The following LAMA4 variants were observed in gnomAD, a reference collection of about 807,000 sequenced individuals.
LAMA4 encodes the protein laminin subunit alpha 4.
Under a neutral mutation model 207.1 loss-of-function variants are expected in LAMA4, and 127 were observed. The observed-to-expected ratio is 0.61, with a 90% confidence interval of 0.53 to 0.71. The LOEUF (loss-of-function observed/expected upper bound fraction) is 0.71. Ranked by LOEUF, LAMA4 falls within the 30% of genes least tolerant of loss-of-function variation. LAMA4 has a pLI of 0.00. For missense variants in LAMA4, 2,093 were observed against 2,246.5 expected (o/e 0.93, Z 1.38); for synonymous variants, 761 against 816.0 (o/e 0.93, Z 1.15).
intron 2 of LAMA4, among the ~76,000 whole-genome samples, chr6:112,232,412 G>A (rs1489613201): frequency 2.0e-5 from 3 of 152,210 alleles, no homozygotes; most frequent in Admixed American, 6.5e-5. Context: ...TGTTATTTAA[G>A]GGTATTTTGT....
At chr6:112,195,465 C>T (rs932264439) in intron 5 of LAMA4, among the ~76,000 whole-genome samples, 7 of 152,100 alleles carry the variant, frequency 4.6e-5, no homozygotes, top group African/African-American at 1.7e-4. Context: ...ACTAAATCCC[C>T]GCATCACAGT....
Position 112,207,131 on chromosome 6 carries a change from G to T in LAMA4, c.312C>A (p.Asn104Lys). 6.2e-7 allele frequency: 1 copy of T among 1,613,992 alleles called. No homozygotes were observed. Among genetic ancestry groups the T allele is most frequent in the Non-Finnish European group, 8.5e-7 (1 of 1,179,948 alleles). The change falls in exon 4 of 39, where the codon AAC becomes AAA. Residue 104 changes from asparagine to lysine, a missense_variant. Physicochemically the swap from Asn to Lys is moderately conservative, Grantham distance 94. Around this residue, in one of 3 missense-constraint regions of LAMA4, gnomAD observed 1,704 missense variants for 1,788.4 expected, o/e 0.95. Transcript: ENST00000230538. ...ACTTTTCACAGTGCTCTCCTGTTGT[G>T]TTCCGCTGGCAGTGCTATGAGACAA... ...GSGYCVHCQR[N>K]TTGEHCEKCL...
intron 3 of LAMA4, among the ~76,000 whole-genome samples, chr6:112,212,177 A>G (rs1441734523): frequency 2.6e-5 from 4 of 152,008 alleles, no homozygotes; most frequent in African/African-American, 4.8e-5. Flanking sequence ...TTGGGAGAGA[A>G]AGGATGAACA....
intron 2 of LAMA4, among the ~76,000 whole-genome samples, chr6:112,221,107 T>C (rs781915218): frequency 6.6e-6 from 1 of 152,126 alleles, no homozygotes; most frequent in African/African-American, 2.4e-5. Context: ...CAAAACTTGA[T>C]GGGATTTAGG....
Position 112,141,401 on chromosome 6 carries a change from C to T in LAMA4, c.2770G>A (p.Val924Ile), listed in dbSNP as rs781908229. 33 of 1,613,932 alleles carry T rather than the reference C, an allele frequency of 2.0e-5. No individual in the cohort carries two copies. The highest frequency in any genetic ancestry group is 6.7e-5 in the East Asian group (3 of 44,896). The change falls in exon 21 of 39, where the codon GTC becomes ATC. Residue 924 changes from valine (V) to isoleucine (I), a missense_variant. Val to Ile is a conservative substitution (Grantham distance 29). Transcript: ENST00000230538. ...DVEIPLDSKPVSSWPAYFSIV... is the reference protein window; with the variant it reads ...DVEIPLDSKPISSWPAYFSIV... Reference sequence around the variant, plus strand: ...CTGAAGTAAGCAGGCCAGGAACTGACGGGCTTGGAGTCCAGGGGAATCTCC... The same window carrying T: ...CTGAAGTAAGCAGGCCAGGAACTGATGGGCTTGGAGTCCAGGGGAATCTCC...
chr6:112,178,662 G>T, intron 9 of LAMA4: 1 of 194,688 alleles, frequency 5.1e-6, no homozygotes, highest in Non-Finnish European at 1.1e-5. Context: ...GTATCAGTTA[G>T]GACATACAAT....
intron 2 of LAMA4, among the ~76,000 whole-genome samples, chr6:112,225,714 A>G (rs1785173881): frequency 6.6e-6 from 1 of 152,202 alleles, no homozygotes; most frequent in Non-Finnish European, 1.5e-5. Flanking sequence ...AATGTAGTAA[A>G]CAATGTTTAC....
intron 2 of LAMA4, chr6:112,251,344 A>T (rs1787437425): frequency 6.6e-6 from 1 of 152,230 alleles, no homozygotes; most frequent in Non-Finnish European, 1.5e-5. Context: ...GTACTCAGGG[A>T]TGGAGAGTCC....
At chr6:112,181,769 C>T (rs1782372247) in intron 9 of LAMA4, among the ~76,000 whole-genome samples, 1 of 152,248 alleles carries the variant, frequency 6.6e-6, no homozygotes, top group East Asian at 1.9e-4. Context: ...GAAAACAGGG[C>T]CTTATTATAT....
intron 2 of LAMA4, among the ~76,000 whole-genome samples, chr6:112,241,278 A>G (rs1275636102): frequency 1.3e-5 from 2 of 148,800 alleles, no homozygotes; most frequent in Non-Finnish European, 3.0e-5. Flanking sequence ...AACGACTGTT[A>G]CTCCTCCTAT....
Position 112,140,843 on chromosome 6 carries a change from C to T in LAMA4, c.2893G>A (p.Glu965Lys). Residue 965 changes from glutamate to lysine, a missense_variant, in exon 22 of 39, where the codon GAA (glutamate) becomes AAA (lysine). Glu to Lys is a moderately conservative substitution (Grantham distance 56, BLOSUM62 1). Around this residue, in one of 3 missense-constraint regions of LAMA4, gnomAD observed 1,704 missense variants for 1,788.4 expected, o/e 0.95. Coordinates refer to ENST00000230538, the MANE Select transcript of LAMA4 (RefSeq NM_001105206.3). ...TAEEKFIKKGEFSGDDSLLDL... is the reference protein window; with the variant it reads ...TAEEKFIKKGKFSGDDSLLDL... ...AGCAGAGAGTCATCTCCCGAAAATT[C>T]CCCCTTTTTAATGAACTTTTCCTCT... is the stretch of plus-strand genomic sequence containing the variant. The T allele has an allele frequency of 6.2e-7, 1 of 1,614,014 alleles. No individual in the cohort carries two copies. The highest frequency in any genetic ancestry group is 8.5e-7 in the Non-Finnish European group (1 of 1,179,914).
chr6:112,154,371 A>AG (rs1562669051), intron 16 of LAMA4, among the ~76,000 whole-genome samples: 1 of 151,832 alleles, frequency 6.6e-6, no homozygotes, highest in African/African-American at 2.4e-5. Flanking sequence ...AAAAAAAAAA[A>AG]AAAAGAAAAG....
chr6:112,112,788 A>G (rs1363414858), intron 38 of LAMA4, among the ~76,000 whole-genome samples: 1 of 152,208 alleles, frequency 6.6e-6, no homozygotes, highest in Non-Finnish European at 1.5e-5. Context: ...TTTTTGGAGT[A>G]CCCAAGGTCA....
At chr6:112,163,438 A>G (rs1554338982) in intron 13 of LAMA4, among the ~76,000 whole-genome samples, 2 of 152,204 alleles carry the variant, frequency 1.3e-5, no homozygotes, top group African/African-American at 4.8e-5. Context: ...AGGCGAGGCT[A>G]GCAAAGGGGG....
intron 2 of LAMA4, among the ~76,000 whole-genome samples, chr6:112,232,237 C>A (rs982367808): frequency 4.6e-5 from 7 of 152,278 alleles, no homozygotes; most frequent in African/African-American, 1.7e-4. Flanking sequence ...GAACACTCAG[C>A]TCCTTAATTT....
intron 31 of LAMA4, among the ~76,000 whole-genome samples, chr6:112,128,470 C>A (rs1405113001): frequency 6.6e-6 from 1 of 151,958 alleles, no homozygotes; most frequent in Non-Finnish European, 1.5e-5. Flanking sequence ...TTAATGTGTA[C>A]CAAATTACAG....
chr6:112,171,700 C>A (rs1172363987), intron 12 of LAMA4: 1 of 152,826 alleles, frequency 6.5e-6, no homozygotes, highest in African/African-American at 2.4e-5. Flanking sequence ...AAAAAGTTAT[C>A]CCAACCATAT....
Position 112,109,545 on chromosome 6 carries a change from G to T in LAMA4, c.5364C>A (p.Pro1788=), listed in dbSNP as rs370510960. Reference sequence around the variant, plus strand: ...CAAAGTGGCGTATGCAGCCTGTGAAGGGTTTGCTGGGGGCCAAGCGTGGTG... The same window carrying T: ...CAAAGTGGCGTATGCAGCCTGTGAATGGTTTGCTGGGGGCCAAGCGTGGTG... ...LLTPRLAPSK[P]FTGCIRHFVI... The change falls in exon 39 of 39, where the codon CCC becomes CCA. Residue 1788 remains proline, a synonymous_variant. Coordinates refer to ENST00000230538, the MANE Select transcript of LAMA4 (RefSeq NM_001105206.3). 4.8e-5 allele frequency: 78 copies of T among 1,613,984 alleles called. No individual in the cohort carries two copies. The highest frequency in any genetic ancestry group is 6.7e-5 in the African/African-American group (5 of 74,912).
Position 112,129,938 on chromosome 6 carries a change from G to C in LAMA4, c.4071C>G (p.Gly1357=). ...QASEKKFYFG[G]SPISAQYANF... ...TAGCATACTGAGCACTGATTGGTGA[G>C]CCACCGAAGTAAAACTTCTTTTCAC... The change falls in exon 30 of 39, where the codon GGC becomes GGG. Residue 1357 remains glycine, a synonymous_variant. Coordinates refer to ENST00000230538, the MANE Select transcript of LAMA4 (RefSeq NM_001105206.3). 6.2e-7 allele frequency: 1 copy of C among 1,612,906 alleles called. No homozygotes were observed. Among genetic ancestry groups the C allele is most frequent in the African/African-American group, 1.3e-5 (1 of 74,988 alleles).
Sources: gnomAD v4.1 joint callset for allele counts (sites outside exome capture counted in the v4.1 genomes callset) on GRCh38, gnomAD v4.1.1 for gene constraint, gnomAD v4.1.1 regional missense constraint, MANE v1.5 for transcripts, NCBI Gene and HGNC (gene_info 2026-07-23, HGNC 2026-07-21) for gene names.